The following SVBP variants were observed in gnomAD, a reference collection of about 807,000 sequenced individuals.
The protein encoded by SVBP is small vasohibin-binding protein.
Under a neutral mutation model 9.2 loss-of-function variants are expected in SVBP, and 9 were observed. The observed-to-expected ratio is 0.98, with a 90% CI of 0.59 to 1.71. The LOEUF is 1.71. Among genes scored for constraint, SVBP ranks in the 40% most tolerant of loss-of-function variants. The probability of loss-of-function intolerance (pLI) is 0.00; values close to 1 mark genes in which losing one functional copy is unlikely to be tolerated. For missense variants in SVBP, 63 were observed against 73.2 expected (o/e 0.86, Z 0.51); for synonymous variants, 27 against 23.9 (o/e 1.13, Z -0.37).
chr1:42,816,124 G>A (rs1654200129), intron 2 of SVBP: 1 of 272,522 alleles, frequency 3.7e-6, no homozygotes, highest in Non-Finnish European at 6.9e-6. Context: ...TGACACTTGC[G>A]TGCTCTCTCT....
At chr1:42,815,259 C>A (rs1203359142) in intron 2 of SVBP, among the ~76,000 whole-genome samples, 2 of 150,756 alleles carry the variant, frequency 1.3e-5, no homozygotes, top group African/African-American at 4.9e-5. Context: ...AGGAGATATA[C>A]CTAATGTAAA....
At chr1:42,816,351 G>T in intron 2 of SVBP, 80 bp downstream of exon 2, 1 of 1,051,076 alleles carries the variant, frequency 9.5e-7, no homozygotes, top group South Asian at 1.4e-5. Context: ...CTCGCTGTCA[G>T]TTCTCCTTTC....
At chr1:42,808,134 A>AGTGT (rs149608245) in intron 2 of SVBP, among the ~76,000 whole-genome samples, 2 of 108,996 alleles carry the variant, frequency 1.8e-5, no homozygotes, top group Non-Finnish European at 3.5e-5. Flanking sequence ...ATGTGAATAT[A>AGTGT]GTGTGTGTGT....
Position 42,816,289 on chromosome 1 carries a change from T to C in SVBP, c.114+142A>G, listed in dbSNP as rs1377937594. 4.8e-6 allele frequency: 3 copies of C among 630,472 alleles called. No individual in the cohort carries two copies. The East Asian group carries it at 8.2e-5, about 17-fold the overall frequency. The allele number at this position is 630,472 out of a possible 1,614,324, so 39.1% of individuals were successfully genotyped here. The stretch of plus-strand genomic sequence containing the variant: ...CACCTCACCATTCTGAACCTCAGTG[T>C]TGTCCCCTCTAAACCTGGGAGAACA... On this transcript the variant is annotated intron_variant, in intron 2 of 2. Transcript: ENST00000372521.
chr1:42,817,267 T>C lies in SVBP; in HGVS notation c.-114A>G, dbSNP rs1557601410. The C allele has an allele frequency of 1.6e-6, 2 of 1,241,914 alleles. No homozygotes were observed. Among genetic ancestry groups the C allele is most frequent in the Admixed American group, 2.6e-5 (1 of 38,212 alleles). The allele number at this position is 1,241,914 out of a possible 1,614,324, so 76.9% of individuals were successfully genotyped here. On this transcript the variant is annotated 5_prime_UTR_variant, in exon 1 of 3. Coordinates refer to ENST00000372521, the MANE Select transcript of SVBP (RefSeq NM_199342.4). The stretch of plus-strand genomic sequence containing the variant: ...GCCTCCGGGAGGGTAATCCTCGCCT[T>C]CCCCCGACCACTGGACCCAGCGCTG...
rs897499940 is a variant in SVBP, at chr1:42,817,334, G to C, written c.-181C>G. On this transcript the variant is annotated 5_prime_UTR_variant, in exon 1 of 3. Transcript: ENST00000372521. ...CGTCCTGGGCGGGGCCGCGCGCCGG[G>C]GGGAGGGGCGCAGGGCCGAGCGCCA... is the stretch of plus-strand genomic sequence containing the variant. 14 of 1,023,780 alleles carry C rather than the reference G, an allele frequency of 1.4e-5. No individual in the cohort carries two copies. The highest frequency in any genetic ancestry group is 1.6e-5 in the Non-Finnish European group (13 of 793,964). The allele number at this position is 1,023,780 out of a possible 1,614,324, so 63.4% of individuals were successfully genotyped here.
At chr1:42,809,492 T>C (rs1654033861) in intron 2 of SVBP, among the ~76,000 whole-genome samples, 1 of 151,858 alleles carries the variant, frequency 6.6e-6, no homozygotes, top group Non-Finnish European at 1.5e-5. Flanking sequence ...TGGGCACAAA[T>C]AAACATTATT....
At chr1:42,807,670 C>T (rs1184377198) in intron 2 of SVBP, among the ~76,000 whole-genome samples, 170 bp from the exon 3 acceptor site, 2 of 152,090 alleles carry the variant, frequency 1.3e-5, no homozygotes, top group African/African-American at 4.8e-5. Flanking sequence ...TCTGGAGAAT[C>T]AAGACAGCAG....
At chr1:42,814,516 C>A (rs192187488) in intron 2 of SVBP, among the ~76,000 whole-genome samples, 1 of 151,818 alleles carries the variant, frequency 6.6e-6, no homozygotes, top group Non-Finnish European at 1.5e-5. Flanking sequence ...CTCTGGAGGC[C>A]GAGGCAGGAG....
At chr1:42,814,304 T>C (rs1654150268) in intron 2 of SVBP, among the ~76,000 whole-genome samples, 1 of 151,748 alleles carries the variant, frequency 6.6e-6, no homozygotes, top group Non-Finnish European at 1.5e-5. Flanking sequence ...TCTCAATCTC[T>C]TGATCTCATG....
rs1379955100 is a variant in SVBP, at chr1:42,816,535, G to A, written c.10C>T (p.Pro4Ser). The A allele has an allele frequency of 6.2e-7, 1 of 1,612,216 alleles. No individual in the cohort carries two copies. The highest frequency in any genetic ancestry group is 1.3e-5 in the African/African-American group (1 of 74,852). MDP[P>S]ARKEKTKVKE... ...ACTTTGGTTTTTTCTTTACGTGCAG[G>A]TGGATCCATGGCTTGACTTCTGGAT... The change falls in exon 2 of 3, where the codon CCT becomes TCT. Residue 4 changes from proline to serine, a missense_variant. Physicochemically the swap from Pro to Ser is moderately conservative, Grantham distance 74 (BLOSUM62 -1). Transcript: ENST00000372521.
rs1654210767 is a variant in SVBP at position 42,816,444 on chromosome 1, C to T, written c.101G>A (p.Arg34Lys). ...CCTTAATCTCACCTCTGCTCTTTGT[C>T]TCTGCTTCAGCTCCTGCTGGGCTGA... is the stretch of plus-strand genomic sequence containing the variant. Reference protein sequence around the residue: ...QKSAQQELKQRQRAEIYALNR... With the variant: ...QKSAQQELKQKQRAEIYALNR... Residue 34 changes from arginine to lysine, a missense_variant, in exon 2 of 3, where the codon AGA (arginine) becomes AAA (lysine). By Grantham distance (26) the Arg-to-Lys change is conservative. Transcript: ENST00000372521. The T allele has an allele frequency of 6.2e-7, 1 of 1,612,646 alleles. No individual in the cohort carries two copies.
At chr1:42,813,886 C>T (rs1453436444) in intron 2 of SVBP, 1 of 271,550 alleles carries the variant, frequency 3.7e-6, no homozygotes, top group Non-Finnish European at 7.5e-6. Flanking sequence ...TAAAGGACCA[C>T]AGCTCTCAGG....
chr1:42,811,125 C>A (rs746733209), intron 2 of SVBP, among the ~76,000 whole-genome samples: 4 of 150,572 alleles, frequency 2.7e-5, no homozygotes, highest in Non-Finnish European at 5.9e-5. Context: ...GGTGACAGAG[C>A]GAGACTCCGT....
chr1:42,812,877 T>C (rs183792420), intron 2 of SVBP, among the ~76,000 whole-genome samples: 175 of 152,312 alleles, frequency 1.1e-3, no homozygotes, highest in South Asian at 2.5e-3. Flanking sequence ...AAATAATATT[T>C]TTAAAAAAAC....
intron 2 of SVBP, among the ~76,000 whole-genome samples, chr1:42,809,389 T>C (rs1369331071): frequency 6.6e-6 from 1 of 151,570 alleles, no homozygotes; most frequent in African/African-American, 2.4e-5. Context: ...AAACCTACAA[T>C]AGAGAGGATC....
At chr1:42,807,647 G>C (rs1257407713) in intron 2 of SVBP, 147 bp from the exon 3 acceptor site, 1 of 613,928 alleles carries the variant, frequency 1.6e-6, no homozygotes, top group Non-Finnish European at 2.9e-6. Flanking sequence ...AGGAAAGTTA[G>C]ATATTAGTTC....
In SVBP at chr1:42,807,449, C is replaced by T; in HGVS notation, c.166G>A (p.Glu56Lys). ...MTELEQQQFD[E>K]FCKQMQPPGE is the part of the protein sequence containing the mutation. ...GGAGGCTGCATCTGTTTACAGAACTCATCAAACTGCTGCTGCTCCAGTTCT... is the reference window on the plus strand; with the variant it reads ...GGAGGCTGCATCTGTTTACAGAACTTATCAAACTGCTGCTGCTCCAGTTCT... The change falls in exon 3 of 3, where the codon GAG (glutamate) becomes AAG (lysine). Residue 56 changes from glutamate to lysine, a missense_variant. Glu to Lys is a moderately conservative substitution (Grantham distance 56, BLOSUM62 1). Coordinates refer to ENST00000372521, the MANE Select transcript of SVBP (RefSeq NM_199342.4). 6.2e-7 allele frequency: 1 copy of T among 1,614,086 alleles called. No homozygotes were observed. The highest frequency in any genetic ancestry group is 8.5e-7 in the Non-Finnish European group (1 of 1,179,954).
chr1:42,811,345 T>G (rs1401053207), intron 2 of SVBP, among the ~76,000 whole-genome samples: 2 of 152,220 alleles, frequency 1.3e-5, no homozygotes, highest in African/African-American at 2.4e-5. Flanking sequence ...CATATCGGAT[T>G]AACCAAGGTT....
Sources: gnomAD v4.1 joint callset for allele counts (sites outside exome capture counted in the v4.1 genomes callset) on GRCh38, gnomAD v4.1.1 for gene constraint, MANE v1.5 for transcripts, NCBI Gene and HGNC (gene_info 2026-07-23, HGNC 2026-07-21) for gene names.